The following PDGFC variants were observed in gnomAD, a reference collection of about 807,000 sequenced individuals.
PDGFC encodes the protein platelet-derived growth factor C.
Under a neutral mutation model 35.5 loss-of-function variants are expected in PDGFC, and 12 were observed. That is an observed-to-expected ratio of 0.34 (90% confidence interval 0.22 to 0.55). PDGFC has a LOEUF of 0.55. PDGFC is among the 20% of genes least tolerant of loss of function. PDGFC has a pLI of 0.91. For missense variants in PDGFC, 322 were observed against 412.4 expected (o/e 0.78, Z 1.90); for synonymous variants, 159 against 148.8 (o/e 1.07, Z -0.50).
chr4:156,829,478 G>A (rs1258332369), intron 2 of PDGFC, among the ~76,000 whole-genome samples: 1 of 152,058 alleles, frequency 6.6e-6, no homozygotes, highest in African/African-American at 2.4e-5. Flanking sequence ...CCTAGGCAGA[G>A]ATTTTTTGGC....
At chr4:156,893,264 T>C (rs1730555892) in intron 1 of PDGFC, among the ~76,000 whole-genome samples, 2 of 152,122 alleles carry the variant, frequency 1.3e-5, no homozygotes, top group African/African-American at 4.8e-5. Context: ...GCAATACATA[T>C]TTTAACTTCG....
chr4:156,912,851 G>T (rs767215626), intron 1 of PDGFC, among the ~76,000 whole-genome samples: 4 of 151,460 alleles, frequency 2.6e-5, no homozygotes, highest in Admixed American at 2.6e-4. Flanking sequence ...TTTAATTATA[G>T]ACTATAAAAT....
intron 1 of PDGFC, among the ~76,000 whole-genome samples, chr4:156,885,810 A>G (rs1201339123): frequency 6.6e-6 from 1 of 152,118 alleles, no homozygotes; most frequent in Non-Finnish European, 1.5e-5. Flanking sequence ...GTCTATGCCC[A>G]GGATTTGGAG....
chr4:156,788,103 AG>A (rs1731179424), intron 3 of PDGFC, among the ~76,000 whole-genome samples: 1 of 152,314 alleles, frequency 6.6e-6, no homozygotes, highest in South Asian at 2.1e-4. Flanking sequence ...TCTGTGGCTG[AG>A]TATTTCCAGA....
At chr4:156,830,483 T>C (rs891574852) in intron 2 of PDGFC, among the ~76,000 whole-genome samples, 4 of 152,152 alleles carry the variant, frequency 2.6e-5, no homozygotes, top group Admixed American at 6.5e-5. Context: ...AACTGAGTAA[T>C]TGTGGGCTAC....
intron 1 of PDGFC, among the ~76,000 whole-genome samples, chr4:156,960,842 G>C (rs892082422): frequency 2.6e-5 from 4 of 152,140 alleles, no homozygotes; most frequent in Admixed American, 6.5e-5. Flanking sequence ...TCTAGTAAGA[G>C]AGAGTCTTTA....
intron 1 of PDGFC, among the ~76,000 whole-genome samples, chr4:156,954,786 C>T (rs1579123489): frequency 6.6e-6 from 1 of 151,924 alleles, no homozygotes; most frequent in Admixed American, 6.6e-5. Context: ...AGACGTTAGG[C>T]GCATCCCCCA....
intron 1 of PDGFC, among the ~76,000 whole-genome samples, chr4:156,898,593 G>A (rs1184921744): frequency 2.0e-4 from 31 of 152,012 alleles, no homozygotes; most frequent in Non-Finnish European, 8.8e-5. Context: ...GTCCTCTTAC[G>A]CAACTTAAAT....
Position 156,801,359 on chromosome 4 carries a change from C to T in PDGFC, c.495+9478G>A, listed in dbSNP as rs147269072. Among the ~76,000 whole-genome samples the T allele has an allele frequency of 1.6e-3, 251 of 152,256 alleles. 1 individual carries two copies. Among genetic ancestry groups the T allele is most frequent in the African/African-American group, 5.6e-3 (231 of 41,558 alleles). The stretch of plus-strand genomic sequence containing the variant: ...CCTCCTGTTTAGCTGGCTCTATGTG[C>T]ATTAAACTCTATCTCCATTGCAATT... On this transcript the variant is annotated intron_variant, in intron 3 of 5. Transcript: ENST00000502773.
chr4:156,769,310 A>C (rs2110804051), intron 4 of PDGFC, among the ~76,000 whole-genome samples: 1 of 152,048 alleles, frequency 6.6e-6, no homozygotes, highest in East Asian at 1.9e-4. Context: ...GTGACAAGGT[A>C]AGAATCAAAT....
chr4:156,901,854 TGCCCGCCTCG>T (rs1730795395), intron 1 of PDGFC, among the ~76,000 whole-genome samples: 2 of 152,072 alleles, frequency 1.3e-5, no homozygotes, highest in Non-Finnish European at 2.9e-5. Context: ...TCAAGTGATC[TGCCCGCCTCG>T]GCCTCCCAAA....
intron 4 of PDGFC, among the ~76,000 whole-genome samples, chr4:156,768,272 G>C (rs1347286672): frequency 6.7e-6 from 1 of 149,500 alleles, no homozygotes; most frequent in Non-Finnish European, 1.5e-5. Flanking sequence ...GCTATAAATA[G>C]GAAACTTTAT....
chr4:156,955,113 C>T (rs907184572), intron 1 of PDGFC, among the ~76,000 whole-genome samples: 1 of 151,868 alleles, frequency 6.6e-6, no homozygotes, highest in African/African-American at 2.4e-5. Flanking sequence ...CTTTATGGGG[C>T]GGAGAGGGGA....
At chr4:156,956,850 A>G (rs1294333268) in intron 1 of PDGFC, among the ~76,000 whole-genome samples, 2 of 152,040 alleles carry the variant, frequency 1.3e-5, no homozygotes, top group Admixed American at 6.6e-5. Flanking sequence ...GAGTGCTAAG[A>G]GCAGCCCAGA....
chr4:156,839,476 C>T (rs1439290090), intron 2 of PDGFC, among the ~76,000 whole-genome samples: 1 of 152,180 alleles, frequency 6.6e-6, no homozygotes, highest in Non-Finnish European at 1.5e-5. Context: ...AACTGTGAGC[C>T]AATTAAACTT....
chr4:156,805,626 T>G (rs1474605489), intron 3 of PDGFC, among the ~76,000 whole-genome samples: 4 of 152,058 alleles, frequency 2.6e-5, no homozygotes, highest in African/African-American at 9.7e-5. Context: ...ATTAATATAT[T>G]TGAAGCCTTG....
chr4:156,771,562 A>G (rs1178023507), intron 4 of PDGFC, among the ~76,000 whole-genome samples: 1 of 152,144 alleles, frequency 6.6e-6, no homozygotes, highest in East Asian at 1.9e-4. Context: ...GATTTCAAAT[A>G]TTGCCAAAAG....
chr4:156,783,411 G>T (rs7666542), intron 3 of PDGFC, among the ~76,000 whole-genome samples: 9,666 of 152,166 alleles, frequency 0.064, 1,000 homozygotes, highest in African/African-American at 0.22. Flanking sequence ...GTTGGGAGAA[G>T]GGGGTGTGCA....
chr4:156,805,388 G>A (rs150815569), intron 3 of PDGFC, among the ~76,000 whole-genome samples: 117 of 151,912 alleles, frequency 7.7e-4, no homozygotes, highest in African/African-American at 2.8e-3. Flanking sequence ...CTTAATTCTC[G>A]AGGTAAATAC....
Sources: gnomAD v4.1 joint callset for allele counts (sites outside exome capture counted in the v4.1 genomes callset) on GRCh38, gnomAD v4.1.1 for gene constraint, MANE v1.5 for transcripts, NCBI Gene and HGNC (gene_info 2026-07-23, HGNC 2026-07-21) for gene names.